The following CT55 variants were observed in gnomAD, a reference collection of about 807,000 sequenced individuals.
The protein encoded by CT55 is BRCA2-interacting protein.
CT55 carries 1 observed loss-of-function variant against 12.6 expected under a neutral mutation model. The observed-to-expected ratio is 0.08, with a 90% confidence interval of 0.03 to 0.38. The LOEUF (loss-of-function observed/expected upper bound fraction) is 0.38, where lower values mean the gene tolerates loss of function less well. CT55 is among the 10% of genes least tolerant of loss of function. The pLI, the probability that CT55 is intolerant of heterozygous loss-of-function variation, is 0.99. For missense variants in CT55, 109 were observed against 135.4 expected, an observed-to-expected ratio of 0.80 and a Z score of 0.97; for synonymous variants, 43 against 49.7, an observed-to-expected ratio of 0.87 and a Z score of 0.57.
Position 135,171,099 on chromosome X carries a change from G to C in CT55, c.73C>G (p.Gln25Glu). The C allele has an allele frequency of 1.7e-6, 2 of 1,211,758 alleles. No homozygotes were observed. Among genetic ancestry groups the C allele is most frequent in the African/African-American group, 3.5e-5 (2 of 57,844 alleles). Residue 25 changes from glutamine to glutamate, a missense_variant, in exon 1 of 6, where the codon CAG (glutamine) becomes GAG (glutamate). Gln to Glu is a conservative substitution (Grantham distance 29, BLOSUM62 2). Coordinates refer to ENST00000276241, the MANE Select transcript of CT55 (RefSeq NM_001031705.3). The stretch of plus-strand genomic sequence containing the variant: ...ATACCTTGTGGGAGGCCCTGCTGCT[G>C]TGGGCCCTGTCGCTCTGCAGGGTCG... Reference protein sequence around the residue: ...TADPAERQGPQQQGLPQGDTQ... With the variant: ...TADPAERQGPEQQGLPQGDTQ...
At chrX:135,158,482 A>G (rs1353461834) in intron 3 of CT55, among the ~76,000 whole-genome samples, 171 bp from the exon 4 acceptor site, 1 of 112,824 alleles carries the variant, frequency 8.9e-6, no homozygotes, top group African/African-American at 3.2e-5. Context: ...AAAGAAGTTT[A>G]TAATCCTTAG....
chrX:135,167,030 A>T (rs2083588994), intron 2 of CT55, among the ~76,000 whole-genome samples: 1 of 112,250 alleles, frequency 8.9e-6, no homozygotes, highest in Non-Finnish European at 1.9e-5. Context: ...AACCTAAAGC[A>T]ATCTATAGAT....
chrX:135,167,560 G>A (rs2083591436), intron 2 of CT55, among the ~76,000 whole-genome samples: 2 of 111,058 alleles, frequency 1.8e-5, no homozygotes, highest in Admixed American at 1.9e-4. Context: ...TTAAAAACAG[G>A]ACCTCAAAAG....
In CT55 at chrX:135,171,362, A is replaced by G. The variant is rs1433317575; in HGVS notation, c.-191T>C. The G allele has an allele frequency of 7.4e-6, 6 of 811,579 alleles. No individual in the cohort carries two copies. The Admixed American group carries it at 1.7e-4, about 23-fold the overall frequency. The allele number at this position is 811,579 out of a possible 1,213,427, so 66.9% of individuals were successfully genotyped here. Reference sequence around the variant, plus strand: ...GAGAGTCAGGGACACCGCAGCCTCCAAAGGAGCTCCCAGCTTCTCCGCTGA... The same window carrying G: ...GAGAGTCAGGGACACCGCAGCCTCCGAAGGAGCTCCCAGCTTCTCCGCTGA... On this transcript the variant is annotated 5_prime_UTR_variant, in exon 1 of 6. Transcript: ENST00000276241.
At position 135,169,606 on chromosome X, in the gene CT55, C is replaced by A; in HGVS notation, c.267G>T (p.Leu89Phe). ...ATGCACATCTCACCTTGATTGCTCT[C>A]AATCCATAATGTGGTTTATCTTCTT... is the stretch of plus-strand genomic sequence containing the variant. ...VVEEDKPHYG[L>F]RAIKVDVVPR... Residue 89 changes from leucine to phenylalanine, a missense_variant, in exon 2 of 6, where the codon TTG becomes TTT. By Grantham distance (22) the Leu-to-Phe change is conservative. Transcript: ENST00000276241. The A allele has an allele frequency of 8.3e-7, 1 of 1,203,666 alleles. No individual in the cohort carries two copies. The highest frequency in any genetic ancestry group is 1.1e-6 in the Non-Finnish European group (1 of 891,208).
intron 2 of CT55, among the ~76,000 whole-genome samples, chrX:135,168,090 A>G: frequency 8.9e-6 from 1 of 112,123 alleles, no homozygotes; most frequent in Non-Finnish European, 1.9e-5. Context: ...CCCACTACTG[A>G]GCATGTATCC....
intron 2 of CT55, among the ~76,000 whole-genome samples, chrX:135,166,150 G>A (rs1486626652): frequency 3.0e-5 from 3 of 101,643 alleles, no homozygotes; most frequent in Non-Finnish European, 5.9e-5. Flanking sequence ...AGAAAGAAGA[G>A]AAAACCAAAA....
rs1242980438 is a variant in CT55 at position 135,168,592 on chromosome X, A to G, written c.279+1002T>C. Among the ~76,000 whole-genome samples the G allele has an allele frequency of 4.5e-5, 5 of 111,487 alleles. No homozygotes were observed. The South Asian group carries it at 1.9e-3, about 42-fold the overall frequency. The stretch of plus-strand genomic sequence containing the variant: ...GCTGGATGTTGTTGGGGGAGGGGAC[A>G]GTTGGGGGAGCACGAAGAGCTTCCT... On this transcript the variant is annotated intron_variant, in intron 2 of 5. Coordinates refer to ENST00000276241, the MANE Select transcript of CT55 (RefSeq NM_001031705.3).
intron 2 of CT55, among the ~76,000 whole-genome samples, chrX:135,167,247 A>G (rs1424516699): frequency 2.7e-5 from 3 of 111,908 alleles, no homozygotes; most frequent in African/African-American, 9.7e-5. Flanking sequence ...ATAAAAACGG[A>G]CACATCAACC....
chrX:135,170,117 A>G (rs1428243901), intron 1 of CT55, among the ~76,000 whole-genome samples: 1 of 111,133 alleles, frequency 9.0e-6, no homozygotes, highest in East Asian at 2.8e-4. Context: ...GGTGGTTCTC[A>G]TGTCTCAGCC....
At position 135,158,230 on chromosome X, in the gene CT55, A is replaced by G. The variant is rs2083545798; in HGVS notation, c.506T>C (p.Val169Ala). The change falls in exon 4 of 6, where the codon GTG becomes GCG. Residue 169 changes from valine to alanine, a missense_variant. By Grantham distance (64) the Val-to-Ala change is moderately conservative (BLOSUM62 0). Coordinates refer to ENST00000276241, the MANE Select transcript of CT55 (RefSeq NM_001031705.3). ...PGISNIKATS[V>A]KPIRCIHTEE... is the part of the protein sequence containing the mutation. ...CGTATGAATACAACGGATGGGCTTC[A>G]CAGAAGTTGCCTTGATGTTTGAGAT... 3 of 1,206,758 alleles carry G rather than the reference A, an allele frequency of 2.5e-6. No homozygotes were observed. The highest frequency in any genetic ancestry group is 3.4e-6 in the Non-Finnish European group (3 of 890,873).
In CT55 at chrX:135,171,272, A is replaced by T. The variant is rs1255752290; in HGVS notation, c.-101T>A. ...CTCAGGTCACGGCGTCTCCTCAGGGACTCACTTCCTGCTTCTCCTCAGACA... is the reference window on the plus strand; with the variant it reads ...CTCAGGTCACGGCGTCTCCTCAGGGTCTCACTTCCTGCTTCTCCTCAGACA... On this transcript the variant is annotated 5_prime_UTR_variant, in exon 1 of 6. Transcript: ENST00000276241. The T allele has an allele frequency of 8.8e-7, 1 of 1,140,800 alleles. No individual in the cohort carries two copies. Among genetic ancestry groups the T allele is most frequent in the African/African-American group, 1.8e-5 (1 of 56,123 alleles). The allele number at this position is 1,140,800 out of a possible 1,213,427, so 94.0% of individuals were successfully genotyped here. A position where few individuals can be genotyped will look rare whatever the true frequency, so the allele number is the denominator to read the frequency against.
At chrX:135,164,686 C>T (rs373418023) in intron 2 of CT55, among the ~76,000 whole-genome samples, 3 of 111,782 alleles carry the variant, frequency 2.7e-5, no homozygotes, top group Non-Finnish European at 3.8e-5. Flanking sequence ...CTATGAGAGA[C>T]CCACTTCTCC....
chrX:135,160,539 C>T lies in CT55; in HGVS notation c.296G>A (p.Arg99His), dbSNP rs201934186. The change falls in exon 3 of 6, where the codon CGC (arginine) becomes CAC (histidine). Residue 99 changes from arginine (R) to histidine (H), a missense_variant. Arg to His is a conservative substitution (Grantham distance 29). Coordinates refer to ENST00000276241, the MANE Select transcript of CT55 (RefSeq NM_001031705.3). ...LRAIKVDVVPRHLYGAGPSDS... is the reference protein window; with the variant it reads ...LRAIKVDVVPHHLYGAGPSDS... ...TGAGGGTCCAGCACCATAAAGATGG[C>T]GAGGCACAACATCCACCTGTAAGAT... 2.2e-5 allele frequency: 26 copies of T among 1,187,717 alleles called. No individual in the cohort carries two copies. In the Admixed American group the frequency reaches 3.9e-4, roughly 18 times the overall value.
At chrX:135,160,879 A>G (rs2083559655) in intron 2 of CT55, among the ~76,000 whole-genome samples, 1 of 111,979 alleles carries the variant, frequency 8.9e-6, no homozygotes, top group Admixed American at 9.6e-5. Context: ...AAAGGTATAT[A>G]GTCATAAGCA....
rs1362587317 is a variant in CT55 at position 135,165,051 on chromosome X, G to C, written c.280-4496C>G. ...ACAGAACATTGACCCCACAAAAAGT[G>C]GGATTTATCTGCACTCCGGACCAAA... On this transcript the variant is annotated intron_variant, in intron 2 of 5. Coordinates refer to ENST00000276241, the MANE Select transcript of CT55 (RefSeq NM_001031705.3). Among the ~76,000 whole-genome samples, 4 of 112,091 alleles carry C rather than the reference G, an allele frequency of 3.6e-5. No individual in the cohort carries two copies. The Admixed American group carries it at 3.8e-4, about 11-fold the overall frequency.
intron 3 of CT55, among the ~76,000 whole-genome samples, chrX:135,159,592 T>C (rs2083553522): frequency 9.0e-6 from 1 of 111,315 alleles, no homozygotes; most frequent in African/African-American, 3.3e-5. Context: ...ATCCTCAGGT[T>C]TTCCACTTCT....
chrX:135,170,116 C>T (rs1285646324), intron 1 of CT55, among the ~76,000 whole-genome samples: 3 of 111,434 alleles, frequency 2.7e-5, no homozygotes, highest in Admixed American at 9.5e-5. Context: ...AGGTGGTTCT[C>T]ATGTCTCAGC....
At position 135,160,442 on chromosome X, in the gene CT55, G is replaced by A. The variant is rs1556404981; in HGVS notation, c.393C>T (p.Ser131=). 6 of 1,166,563 alleles carry A rather than the reference G, an allele frequency of 5.1e-6. No homozygotes were observed. Among genetic ancestry groups the A allele is most frequent in the Non-Finnish European group, 6.9e-6 (6 of 873,166 alleles). The change falls in exon 3 of 6, where the codon AGC becomes AGT. Residue 131 remains serine, a synonymous_variant. Coordinates refer to ENST00000276241, the MANE Select transcript of CT55 (RefSeq NM_001031705.3). ...INEDNIYISN[S]IYFSIAIVSE... The stretch of plus-strand genomic sequence containing the variant: ...AAACAATGGCTATGGAAAAATAAAT[G>A]CTGTTACTAATATAAATATTATCTT...
Sources: gnomAD v4.1 joint callset for allele counts (sites outside exome capture counted in the v4.1 genomes callset) on GRCh38, gnomAD v4.1.1 for gene constraint, MANE v1.5 for transcripts, NCBI Gene and HGNC (gene_info 2026-07-23, HGNC 2026-07-21) for gene names.